Variants in ZHX3 observed in about 807,000 individuals in gnomAD.
ZHX3 encodes the protein zinc fingers and homeoboxes protein 3.
A neutral mutation model predicts 64.5 loss-of-function variants in ZHX3; 20 were observed. The observed-to-expected ratio is 0.31, with a 90% CI of 0.22 to 0.45. The LOEUF (loss-of-function observed/expected upper bound fraction) is 0.45. ZHX3 is among the 20% of genes least tolerant of loss of function. The probability of loss-of-function intolerance (pLI) is 1.00; values close to 1 mark genes in which losing one functional copy is unlikely to be tolerated. For missense variants in ZHX3, 1,041 were observed against 1,195.8 expected (o/e 0.87, Z 1.91); for synonymous variants, 423 against 461.6 (o/e 0.92, Z 1.07).
chr20:41,191,254 A>T (rs1409485975), intron 3 of ZHX3, among the ~76,000 whole-genome samples: 1 of 152,182 alleles, frequency 6.6e-6, no homozygotes, highest in African/African-American at 2.4e-5. Context: ...GAGTTATGTC[A>T]AAAGACCTGT....
chr20:41,205,824 T>C (rs751144612), intron 2 of ZHX3, among the ~76,000 whole-genome samples: 9 of 152,204 alleles, frequency 5.9e-5, no homozygotes, highest in Non-Finnish European at 1.2e-4. Context: ...CACCTTGAGA[T>C]CTGAGAACAG....
intron 1 of ZHX3, among the ~76,000 whole-genome samples, chr20:41,276,858 T>A (rs1003218513): frequency 6.6e-6 from 1 of 152,206 alleles, no homozygotes; most frequent in Non-Finnish European, 1.5e-5. Flanking sequence ...ACATCCTACA[T>A]ACCTGTCAGC....
intron 3 of ZHX3, among the ~76,000 whole-genome samples, chr20:41,192,507 A>G (rs896840602): frequency 2.0e-5 from 3 of 152,196 alleles, no homozygotes; most frequent in African/African-American, 7.2e-5. Flanking sequence ...TGTGCCACTC[A>G]CACCTCACTC....
chr20:41,308,018 A>G (rs2045028577), intron 1 of ZHX3, among the ~76,000 whole-genome samples: 1 of 152,162 alleles, frequency 6.6e-6, no homozygotes, highest in African/African-American at 2.4e-5. Flanking sequence ...AGTGACTTAA[A>G]CATTATAAAG....
At chr20:41,237,653 A>G (rs2041100440) in intron 2 of ZHX3, among the ~76,000 whole-genome samples, 2 of 152,250 alleles carry the variant, frequency 1.3e-5, no homozygotes, top group Non-Finnish European at 2.9e-5. Flanking sequence ...TAGGAGATAT[A>G]CTTAATGTTA....
At chr20:41,308,666 C>T (rs1429046368) in intron 1 of ZHX3, among the ~76,000 whole-genome samples, 1 of 152,122 alleles carries the variant, frequency 6.6e-6, no homozygotes, top group East Asian at 1.9e-4. Context: ...CAAGTTCCCT[C>T]GTGAGCAGCT....
At chr20:41,309,589 T>G (rs2045072044) in intron 1 of ZHX3, among the ~76,000 whole-genome samples, 1 of 152,178 alleles carries the variant, frequency 6.6e-6, no homozygotes, top group Admixed American at 6.5e-5. Context: ...CATGGCCGAC[T>G]CCTTCCTGAG....
intron 1 of ZHX3, among the ~76,000 whole-genome samples, chr20:41,298,641 G>A (rs1455401089): frequency 6.6e-6 from 1 of 152,210 alleles, no homozygotes; most frequent in African/African-American, 2.4e-5. Context: ...ATTCAGAGGG[G>A]AGTTCCATGA....
At chr20:41,227,277 C>T (rs1300355401) in intron 2 of ZHX3, among the ~76,000 whole-genome samples, 1 of 152,168 alleles carries the variant, frequency 6.6e-6, no homozygotes, top group Non-Finnish European at 1.5e-5. Flanking sequence ...CTTTGAGAAA[C>T]CTTAGAGCAT....
intron 3 of ZHX3, among the ~76,000 whole-genome samples, chr20:41,189,576 C>T (rs2036827038): frequency 6.6e-6 from 1 of 151,988 alleles, no homozygotes; most frequent in South Asian, 2.1e-4. Flanking sequence ...TCGTAAGTAT[C>T]TTTTTTTATT....
chr20:41,212,489 T>C lies in ZHX3; in HGVS notation c.-150-7423A>G, dbSNP rs911049393. ...TGTTTGGCAAACAAAATGTTAAATATAGAGTTGCCATAAGATCCAGCAATT... is the reference window on the plus strand; with the variant it reads ...TGTTTGGCAAACAAAATGTTAAATACAGAGTTGCCATAAGATCCAGCAATT... On this transcript the variant is annotated intron_variant, in intron 2 of 3. Transcript: ENST00000683867. The surrounding 1 kb of genome is among the most constrained non-coding windows in gnomAD (Gnocchi z 4.3). 2.1e-4 allele frequency among the ~76,000 whole-genome samples: 32 copies of C among 152,084 alleles called. No individual in the cohort carries two copies. Among genetic ancestry groups the C allele is most frequent in the Admixed American group, 1.6e-3 (24 of 15,258 alleles).
chr20:41,306,562 T>A (rs905540221), intron 1 of ZHX3, among the ~76,000 whole-genome samples: 1 of 152,236 alleles, frequency 6.6e-6, no homozygotes, highest in Non-Finnish European at 1.5e-5. Flanking sequence ...TTGCTCTCCA[T>A]TGGTGTCCAG....
chr20:41,237,839 T>C (rs2041116464), intron 2 of ZHX3, among the ~76,000 whole-genome samples: 1 of 152,256 alleles, frequency 6.6e-6, no homozygotes, highest in African/African-American at 2.4e-5. Flanking sequence ...CAATATTTAT[T>C]AAACACAAGG....
At chr20:41,225,719 C>A (rs1297141037) in intron 2 of ZHX3, among the ~76,000 whole-genome samples, 2 of 152,168 alleles carry the variant, frequency 1.3e-5, no homozygotes, top group African/African-American at 4.8e-5. Flanking sequence ...AACTCCTGAC[C>A]TCAGGTGATC....
intron 2 of ZHX3, among the ~76,000 whole-genome samples, chr20:41,209,724 C>A (rs954485523): frequency 1.3e-5 from 2 of 152,290 alleles, no homozygotes; most frequent in East Asian, 3.9e-4. Context: ...AAATGTTAGA[C>A]CTAAAACCAT....
intron 2 of ZHX3, among the ~76,000 whole-genome samples, chr20:41,268,630 G>A (rs1368035593): frequency 1.3e-5 from 2 of 152,164 alleles, no homozygotes; most frequent in African/African-American, 2.4e-5. Flanking sequence ...TCAATCAAGT[G>A]TATGTTCTGC....
chr20:41,184,679 T>G lies in ZHX3; in HGVS notation c.*512A>C, dbSNP rs2146095988. 1.8e-6 allele frequency: 1 copy of G among 555,476 alleles called. No homozygotes were observed. Among genetic ancestry groups the G allele is most frequent in the African/African-American group, 1.9e-5 (1 of 53,036 alleles). 34.4% of individuals were successfully genotyped at this position (555,476 alleles called of 1,614,324 possible). On this transcript the variant is annotated 3_prime_UTR_variant, in exon 4 of 4. Transcript: ENST00000683867. ...GGCACAAAGGGGTTCCAGACGTAGC[T>G]TTGTGCCTATAACTTCCCTGCCTGA...
At chr20:41,256,345 T>C (rs1474944067) in intron 2 of ZHX3, among the ~76,000 whole-genome samples, 2 of 144,032 alleles carry the variant, frequency 1.4e-5, no homozygotes, top group East Asian at 4.3e-4. Context: ...AGAATAAGAC[T>C]AGTCTCCAGC....
intron 2 of ZHX3, among the ~76,000 whole-genome samples, chr20:41,208,009 T>C (rs908831904): frequency 1.3e-5 from 2 of 152,054 alleles, no homozygotes; most frequent in African/African-American, 4.8e-5. Flanking sequence ...ATAAAGGGGA[T>C]ATCACCACCG....
Sources: gnomAD v4.1 joint callset for allele counts (sites outside exome capture counted in the v4.1 genomes callset) on GRCh38, gnomAD v4.1.1 for gene constraint, Gnocchi (gnomAD v3.1) non-coding constraint, MANE v1.5 for transcripts, NCBI Gene and HGNC (gene_info 2026-07-23, HGNC 2026-07-21) for gene names.